AGO2: variants seen among roughly 807,000 people sequenced by gnomAD.
The protein encoded by AGO2 is protein argonaute-2.
In AGO2, 5 loss-of-function variants were observed where a neutral mutation model predicts 102.3. The ratio of observed to expected loss-of-function variants is 0.05; its 90% CI spans 0.03 to 0.10. The LOEUF (loss-of-function observed/expected upper bound fraction) is 0.10. Among genes scored for constraint, AGO2 ranks in the 10% least tolerant of loss-of-function variants. The pLI is 1.00. For missense variants in AGO2, 541 were observed against 1,183.7 expected (o/e 0.46, Z 7.97); for synonymous variants, 449 against 473.1 (o/e 0.95, Z 0.66).
chr8:140,636,588 C>T (rs564908137), upstream of AGO2: 3 of 152,334 alleles, frequency 2.0e-5, no homozygotes, highest in South Asian at 6.2e-4. Context: ...GTGCAAGGCC[C>T]TGTTCCGGGC....
chr8:140,601,644 A>G (rs1409052938), intron 1 of AGO2, among the ~76,000 whole-genome samples: 1 of 152,178 alleles, frequency 6.6e-6, no homozygotes, highest in Non-Finnish European at 1.5e-5. Flanking sequence ...GCAACAGAGC[A>G]TGTGTCTGCC....
chr8:140,596,228 G>A (rs2073841707), intron 1 of AGO2, among the ~76,000 whole-genome samples: 1 of 151,812 alleles, frequency 6.6e-6, no homozygotes, highest in Admixed American at 6.6e-5. Flanking sequence ...ACAAACTCTG[G>A]GAGAAGGATG....
chr8:140,637,880 T>G (rs750322205), upstream of AGO2: 1 of 152,372 alleles, frequency 6.6e-6, no homozygotes, highest in Admixed American at 6.5e-5. Context: ...CTCATCTGAC[T>G]GTGCGTCTCG....
At chr8:140,558,248 GGA>G (rs540005628) in intron 7 of AGO2, among the ~76,000 whole-genome samples, 1 of 152,194 alleles carries the variant, frequency 6.6e-6, no homozygotes, top group Non-Finnish European at 1.5e-5. Context: ...GAAGGAAGAG[GGA>G]GAGAGAGCCT....
intron 11 of AGO2, among the ~76,000 whole-genome samples, chr8:140,549,526 A>C (rs1400560153): frequency 1.3e-5 from 2 of 152,280 alleles, no homozygotes; most frequent in African/African-American, 4.8e-5. Context: ...GTAACATGTA[A>C]GTGCACTCAA....
In AGO2 at chr8:140,522,974, CAA is replaced by C. The variant is rs2072442348; in HGVS notation, c.*9068_*9069del. On this transcript the variant is annotated 3_prime_UTR_variant, in exon 19 of 19. Coordinates refer to ENST00000220592, the MANE Select transcript of AGO2 (RefSeq NM_012154.5). ...ACACAGCATGGTATTCAACTAAAGA[CAA>C]TGACATGAAGCCTCAGAATTGTATT... The C allele has an allele frequency of 6.6e-6, 1 of 152,188 alleles. No individual in the cohort carries two copies. Among genetic ancestry groups the C allele is most frequent in the South Asian group, 2.1e-4 (1 of 4,838 alleles). 9.4% of individuals were successfully genotyped at this position (152,188 alleles called of 1,614,324 possible).
rs769798881 is a variant in AGO2 at position 140,585,253 on chromosome 8, A to G, written c.81T>C (p.Pro27=). The change falls in exon 2 of 19, where the codon CCT becomes CCC. Residue 27 remains proline, a synonymous_variant. Transcript: ENST00000220592. ...PIQGYAFKPP[P]RPDFGTSGRT... is the part of the protein sequence containing the mutation. ...TCCCGGAGGTCCCAAAGTCGGGTCT[A>G]GGTGGAGGCTTGAAGGCATATCCTT... 6.2e-7 allele frequency: 1 copy of G among 1,614,056 alleles called. No homozygotes were observed. Among genetic ancestry groups the G allele is most frequent in the African/African-American group, 1.3e-5 (1 of 74,930 alleles).
chr8:140,638,814 A>T (rs1323043206), upstream of AGO2, among the ~76,000 whole-genome samples: 4 of 152,048 alleles, frequency 2.6e-5, no homozygotes, highest in African/African-American at 9.7e-5. Flanking sequence ...GGCCCAAGTG[A>T]TCCTCCCACC....
intron 10 of AGO2, among the ~76,000 whole-genome samples, chr8:140,552,286 G>A (rs1388428468): frequency 2.0e-5 from 3 of 152,204 alleles, no homozygotes; most frequent in Non-Finnish European, 2.9e-5. Context: ...AGAGAAAGGC[G>A]GGCTGTGCAA....
At chr8:140,595,673 A>G (rs1411722236) in intron 1 of AGO2, among the ~76,000 whole-genome samples, 1 of 135,352 alleles carries the variant, frequency 7.4e-6, no homozygotes, top group African/African-American at 2.7e-5. Context: ...TATTATATAT[A>G]TAGCCTGGCA....
intron 10 of AGO2, chr8:140,555,583 T>C (rs1409049828): frequency 3.6e-6 from 1 of 275,024 alleles, no homozygotes; most frequent in Non-Finnish European, 6.8e-6. Flanking sequence ...AGAAAAGCAG[T>C]ACAGCCTTCT....
Position 140,557,314 on chromosome 8 carries a change from T to G in AGO2, c.879-78A>C. The G allele has an allele frequency of 1.3e-6, 2 of 1,508,584 alleles. No individual in the cohort carries two copies. Among genetic ancestry groups the G allele is most frequent in the South Asian group, 2.7e-5 (2 of 74,834 alleles). 93.4% of individuals were successfully genotyped at this position (1,508,584 alleles called of 1,614,324 possible). A position where few individuals can be genotyped will look rare whatever the true frequency, so the allele number is the denominator to read the frequency against. The stretch of plus-strand genomic sequence containing the variant: ...TGCGCTGCTTTTCATTTGCGTTTGC[T>G]TTTTAGGGTGACGTGTGAGGAGCAA... On this transcript the variant is annotated intron_variant, in intron 7 of 18. Transcript: ENST00000220592. The surrounding 1 kb of genome is among the most constrained non-coding windows in gnomAD (Gnocchi z 5.9).
At chr8:140,613,821 G>C (rs2074108867) in intron 1 of AGO2, among the ~76,000 whole-genome samples, 1 of 151,486 alleles carries the variant, frequency 6.6e-6, no homozygotes, top group Non-Finnish European at 1.5e-5. Context: ...CTTGAGACCA[G>C]CCTGGGCAAC....
rs2072752369 is a variant in AGO2 at position 140,539,315 on chromosome 8, C to T, written c.2169+5G>A. The T allele has an allele frequency of 1.3e-6, 2 of 1,598,396 alleles. No homozygotes were observed. The highest frequency in any genetic ancestry group is 3.4e-5 in the Admixed American group (2 of 58,354). The stretch of plus-strand genomic sequence containing the variant: ...CCCCCTGCCTGGAGTCATGCAGAAA[C>T]TCACCCGCTCGTTCTTGTCAGTGCA... On this transcript the variant is annotated splice_donor_5th_base_variant and intron_variant, in intron 16 of 18. Coordinates refer to ENST00000220592, the MANE Select transcript of AGO2 (RefSeq NM_012154.5). This position sits in a 1 kb window ranked among gnomAD's most constrained non-coding sequence, Gnocchi z 4.7.
At chr8:140,551,816 T>C (rs1262140226) in intron 10 of AGO2, among the ~76,000 whole-genome samples, 1 of 139,442 alleles carries the variant, frequency 7.2e-6, no homozygotes, top group African/African-American at 2.7e-5. Flanking sequence ...ATAAAGTGGG[T>C]GGGTGGATGG....
chr8:140,635,780 G>T (rs1275115048), upstream of AGO2, among the ~76,000 whole-genome samples: 3 of 143,400 alleles, frequency 2.1e-5, no homozygotes, highest in African/African-American at 7.5e-5. Context: ...TGGGCGCGCG[G>T]GCGGGGTCCG....
At chr8:140,635,234 C>T (rs1038870037) in intron 1 of AGO2, among the ~76,000 whole-genome samples, 49 of 146,256 alleles carry the variant, frequency 3.4e-4, no homozygotes, top group African/African-American at 1.1e-3. Flanking sequence ...CGCGGGGCGC[C>T]CCGACGACTC....
At chr8:140,537,373 C>A (rs78313649) in intron 16 of AGO2, among the ~76,000 whole-genome samples, 113 of 151,714 alleles carry the variant, frequency 7.4e-4, no homozygotes, top group South Asian at 1.5e-3. Flanking sequence ...GCAATCACAG[C>A]TCATTGCAGC....
chr8:140,569,021 G>A (rs894314034), intron 3 of AGO2, among the ~76,000 whole-genome samples: 2 of 152,006 alleles, frequency 1.3e-5, no homozygotes, highest in Non-Finnish European at 2.9e-5. Context: ...GCCTCTCCTC[G>A]CCCCCGCCCG....
Sources: allele counts gnomAD v4.1 joint callset (sites outside exome capture counted in the v4.1 genomes callset), GRCh38; gene constraint gnomAD v4.1.1; non-coding constraint Gnocchi (gnomAD v3.1); transcripts MANE v1.5; gene names NCBI Gene and HGNC (gene_info 2026-07-23, HGNC 2026-07-21).